SYT10: variants seen among roughly 807,000 people sequenced by gnomAD.
SYT10 encodes the protein synaptotagmin-10.
SYT10 carries 31 observed loss-of-function variants against 51.1 expected under a neutral mutation model. That is an observed-to-expected ratio of 0.61 (90% confidence interval 0.46 to 0.82). The LOEUF (loss-of-function observed/expected upper bound fraction) is 0.82, where lower values mean the gene tolerates loss of function less well. SYT10 is among the 40% of genes least tolerant of loss of function. The pLI, the probability that SYT10 is intolerant of heterozygous loss-of-function variation, is 0.00. For synonymous variants in SYT10, 233 were observed against 225.9 expected, an observed-to-expected ratio of 1.03 and a Z score of -0.28; for missense variants, 603 against 634.0, an observed-to-expected ratio of 0.95 and a Z score of 0.53.
chr12:33,385,092 T>C, intron 4 of SYT10, 79 bp downstream of exon 4: 1 of 1,523,012 alleles, frequency 6.6e-7, no homozygotes, highest in East Asian at 2.3e-5. Flanking sequence ...AATAATTCAG[T>C]AGTCATGTAT....
rs1267164831 is a variant in SYT10, at chr12:33,439,437, A to C, written c.86T>G (p.Val29Gly). ...IVTELCFAGQ[V>G]EWEKCSGIFP... is the part of the protein sequence containing the mutation. ...GATGCCCGAGCACTTCTCCCACTCC[A>C]CCTGGCCGGCGAAGCACAGCTCGGT... Residue 29 changes from valine to glycine, a missense_variant, in exon 1 of 7, where the codon GTG (valine) becomes GGG (glycine). Val to Gly is a moderately radical substitution (Grantham distance 109, BLOSUM62 -3). Coordinates refer to ENST00000228567, the MANE Select transcript of SYT10 (RefSeq NM_198992.4). The C allele has an allele frequency of 1.9e-6, 3 of 1,614,142 alleles. No homozygotes were observed. Among genetic ancestry groups the C allele is most frequent in the Non-Finnish European group, 2.5e-6 (3 of 1,180,014 alleles).
At chr12:33,430,217 TCTAA>T (rs1318735761) in intron 1 of SYT10, among the ~76,000 whole-genome samples, 1 of 152,214 alleles carries the variant, frequency 6.6e-6, no homozygotes, top group African/African-American at 2.4e-5. Context: ...ACTATATATC[TCTAA>T]CTAATTTTAG....
At chr12:33,399,639 G>A (rs572018705) in intron 3 of SYT10, among the ~76,000 whole-genome samples, 1 of 152,176 alleles carries the variant, frequency 6.6e-6, no homozygotes, top group South Asian at 2.1e-4. Context: ...ATGAGACAAA[G>A]CTCCTTTAAG....
intron 3 of SYT10, among the ~76,000 whole-genome samples, chr12:33,387,747 GTTTTTTTTT>G (rs34524429): frequency 2.4e-5 from 3 of 122,680 alleles, no homozygotes; most frequent in African/African-American, 9.2e-5. Context: ...CTTCTAACAT[GTTTTTTTTT>G]TTTTTTTTTG....
intron 2 of SYT10, among the ~76,000 whole-genome samples, chr12:33,419,092 C>T (rs1866478718): frequency 6.6e-6 from 1 of 152,156 alleles, no homozygotes. Context: ...TCAAGGCCCA[C>T]CTCTCTACCA....
At chr12:33,399,080 A>AT (rs1866281731) in intron 3 of SYT10, among the ~76,000 whole-genome samples, 1 of 152,228 alleles carries the variant, frequency 6.6e-6, no homozygotes. Context: ...CAGTACAACC[A>AT]TGTAGGAATT....
intron 1 of SYT10, among the ~76,000 whole-genome samples, chr12:33,435,133 G>C (rs1204216805): frequency 6.6e-6 from 1 of 152,118 alleles, no homozygotes; most frequent in African/African-American, 2.4e-5. Flanking sequence ...CAAAAAGCCA[G>C]TATTACAGTA....
intron 3 of SYT10, among the ~76,000 whole-genome samples, chr12:33,400,221 A>C (rs1866290722): frequency 1.3e-5 from 2 of 152,218 alleles, no homozygotes; most frequent in Non-Finnish European, 2.9e-5. Context: ...AATGGGAAAA[A>C]TATATAGTAT....
chr12:33,432,627 T>G (rs1866606543), intron 1 of SYT10: 1 of 152,084 alleles, frequency 6.6e-6, no homozygotes, highest in Non-Finnish European at 1.5e-5. Context: ...GTCCTATAAA[T>G]CCATGACTAC....
chr12:33,385,043 A>G, intron 4 of SYT10, 128 bp downstream of exon 4: 4 of 1,178,232 alleles, frequency 3.4e-6, no homozygotes, highest in Non-Finnish European at 4.6e-6. Flanking sequence ...TTAAATTTGT[A>G]ATCTTTTTTT....
intron 1 of SYT10, among the ~76,000 whole-genome samples, chr12:33,430,661 T>C (rs1477225270): frequency 6.6e-6 from 1 of 152,220 alleles, no homozygotes; most frequent in Admixed American, 6.5e-5. Flanking sequence ...TACAAAAATG[T>C]GATTTCCAAT....
At chr12:33,412,930 C>T (rs1866420348) in intron 2 of SYT10, among the ~76,000 whole-genome samples, 1 of 152,058 alleles carries the variant, frequency 6.6e-6, no homozygotes, top group South Asian at 2.1e-4. Flanking sequence ...AACTAAAAAC[C>T]TTGAAAAAAG....
chr12:33,396,653 T>C (rs1249767247), intron 3 of SYT10, among the ~76,000 whole-genome samples: 1 of 152,158 alleles, frequency 6.6e-6, no homozygotes, highest in Non-Finnish European at 1.5e-5. Flanking sequence ...CAGAAATTCT[T>C]ACTTTTTCAA....
At chr12:33,381,205 T>A (rs1866111698) in intron 5 of SYT10, among the ~76,000 whole-genome samples, 2 of 152,202 alleles carry the variant, frequency 1.3e-5, no homozygotes, top group Non-Finnish European at 2.9e-5. Flanking sequence ...TCTCTCTTTC[T>A]AAATAGTAGT....
intron 1 of SYT10, among the ~76,000 whole-genome samples, chr12:33,427,340 G>A (rs1489693636): frequency 6.6e-6 from 1 of 152,122 alleles, no homozygotes. Context: ...ACTAGCACAG[G>A]CATTCTCCAT....
chr12:33,426,642 G>T (rs1866556043), intron 1 of SYT10, 147 bp from the exon 2 acceptor site: 1 of 795,870 alleles, frequency 1.3e-6, no homozygotes, highest in Non-Finnish European at 1.9e-6. Flanking sequence ...AGGAAGAAAA[G>T]GTTAATAATC....
intron 1 of SYT10, 130 bp downstream of exon 1, chr12:33,439,242 G>C: frequency 8.4e-7 from 1 of 1,197,562 alleles, no homozygotes; most frequent in Non-Finnish European, 1.2e-6. Flanking sequence ...AGGAAGGAGC[G>C]AGGTAGGAAA....
chr12:33,382,484 C>G lies in SYT10; in HGVS notation c.1235G>C (p.Arg412Pro). The G allele has an allele frequency of 6.2e-7, 1 of 1,612,606 alleles. No individual in the cohort carries two copies. Among genetic ancestry groups the G allele is most frequent in the South Asian group, 1.1e-5 (1 of 90,930 alleles). Residue 412 changes from arginine to proline, a missense_variant, in exon 5 of 7, where the codon CGA becomes CCA. By Grantham distance (103) the Arg-to-Pro change is moderately radical. Transcript: ENST00000228567. Reference sequence around the variant, plus strand: ...AGTTGTTTTCCTCTTTTTTAATCTTCGACCTTCACACATCAGGGACACTTT... The same window carrying G: ...AGTTGTTTTCCTCTTTTTTAATCTTGGACCTTCACACATCAGGGACACTTT... The part of the protein sequence containing the change: ...YVKVSLMCEG[R>P]RLKKRKTTTK...
intron 1 of SYT10, among the ~76,000 whole-genome samples, chr12:33,429,583 T>C (rs1001337929): frequency 2.0e-5 from 3 of 152,168 alleles, no homozygotes; most frequent in African/African-American, 7.2e-5. Flanking sequence ...ATAAGGTTTT[T>C]GGTTTGTTTA....
Sources: allele counts gnomAD v4.1 joint callset (sites outside exome capture counted in the v4.1 genomes callset), GRCh38; gene constraint gnomAD v4.1.1; transcripts MANE v1.5; gene names NCBI Gene and HGNC (gene_info 2026-07-23, HGNC 2026-07-21).